The following SAMMSON variants were observed in gnomAD, a reference collection of about 807,000 sequenced individuals.
SAMMSON encodes the protein long intergenic non-protein coding RNA 1212.
At chr3:70,079,292 A>T (rs1249787847) in intron 4 of SAMMSON, among the ~76,000 whole-genome samples, 1 of 152,114 alleles carries the variant, frequency 6.6e-6, no homozygotes, top group Admixed American at 6.5e-5. Context: ...AGGTCCATTG[A>T]TCATCTTGAT....
At chr3:70,019,907 C>G (rs896567425) in intron 3 of SAMMSON, among the ~76,000 whole-genome samples, 19 of 152,156 alleles carry the variant, frequency 1.2e-4, no homozygotes, top group Admixed American at 9.2e-4. Flanking sequence ...TTATTGGCAA[C>G]TTGGGTAACA....
At chr3:70,023,786 T>C (rs1425874901) in intron 3 of SAMMSON, among the ~76,000 whole-genome samples, 1 of 152,230 alleles carries the variant, frequency 6.6e-6, no homozygotes, top group East Asian at 1.9e-4. Context: ...GTCATGTGTA[T>C]GTATTCCAAT....
chr3:70,238,280 G>C (rs1701632502), intron 4 of SAMMSON, among the ~76,000 whole-genome samples: 1 of 151,876 alleles, frequency 6.6e-6, no homozygotes, highest in African/African-American at 2.4e-5. Flanking sequence ...TTTGGGCTTT[G>C]GGTAGACAGA....
intron 4 of SAMMSON, among the ~76,000 whole-genome samples, chr3:70,162,505 T>G (rs1207960250): frequency 6.6e-6 from 1 of 151,960 alleles, no homozygotes; most frequent in African/African-American, 2.4e-5. Flanking sequence ...GAACATACTT[T>G]ATATGATTTC....
intron 4 of SAMMSON, among the ~76,000 whole-genome samples, chr3:70,138,018 T>A (rs2067513126): frequency 6.6e-6 from 1 of 152,210 alleles, no homozygotes; most frequent in African/African-American, 2.4e-5. Flanking sequence ...TATAAATATT[T>A]ATTTCTAAGA....
chr3:70,288,198 T>C lies in SAMMSON; in HGVS notation n.675-2981T>C, dbSNP rs981178819. Among the ~76,000 whole-genome samples, 12 of 140,530 alleles carry C rather than the reference T, an allele frequency of 8.5e-5. 2 individuals carry two copies. Among genetic ancestry groups the C allele is most frequent in the Admixed American group, 2.2e-4 (3 of 13,836 alleles). 92.2% of individuals were successfully genotyped at this position (140,530 alleles called of 152,430 possible). A position where few individuals can be genotyped will look rare whatever the true frequency, so the allele number is the denominator to read the frequency against. ...CCTGCTTTCTCTTGTGGGCATTTAG[T>C]GCTATAAATTTCCCTCTACACACTG... On this transcript the variant is annotated intron_variant and non_coding_transcript_variant, in intron 6 of 9. Coordinates refer to ENST00000642114, the Ensembl canonical transcript of SAMMSON.
chr3:70,391,959 A>T (rs924659583), downstream of SAMMSON, among the ~76,000 whole-genome samples: 2 of 152,138 alleles, frequency 1.3e-5, no homozygotes, highest in African/African-American at 4.8e-5. Context: ...AAATACTCAC[A>T]TGTTATGTCA....
chr3:70,150,910 G>A (rs1038287852), intron 4 of SAMMSON, among the ~76,000 whole-genome samples: 4 of 151,992 alleles, frequency 2.6e-5, no homozygotes, highest in East Asian at 1.9e-4. Flanking sequence ...GTGAATAAAT[G>A]TTCAATTTTT....
At chr3:70,110,049 G>C (rs1049470564) in intron 4 of SAMMSON, among the ~76,000 whole-genome samples, 1 of 152,212 alleles carries the variant, frequency 6.6e-6, no homozygotes, top group Non-Finnish European at 1.5e-5. Flanking sequence ...ATACATTAGT[G>C]ATCGTGATAA....
At chr3:70,119,853 A>G (rs1178328311) in intron 4 of SAMMSON, among the ~76,000 whole-genome samples, 1 of 152,194 alleles carries the variant, frequency 6.6e-6, no homozygotes, top group Non-Finnish European at 1.5e-5. Flanking sequence ...ACTAATACAA[A>G]CAACCTTGTA....
intron 7 of SAMMSON, chr3:70,312,451 G>T (rs1309325889): frequency 6.6e-6 from 1 of 152,252 alleles, no homozygotes; most frequent in Non-Finnish European, 1.5e-5. Context: ...CTCCCTGAAG[G>T]TGTTGACGAG....
chr3:70,289,543 G>T (rs1296924858), intron 6 of SAMMSON, among the ~76,000 whole-genome samples: 4 of 147,958 alleles, frequency 2.7e-5, no homozygotes, highest in African/African-American at 2.5e-5. Context: ...GTGTCTTGGA[G>T]TTGCTCTTCT....
At chr3:70,424,996 CG>C (rs1387019138) in intron 2 of SAMMSON, 1 of 148,112 alleles carries the variant, frequency 6.8e-6, no homozygotes, top group Non-Finnish European at 1.5e-5. Flanking sequence ...AAGGGAAAAG[CG>C]GAAGAGAAAG....
chr3:70,198,185 A>G (rs1315606364), intron 4 of SAMMSON, among the ~76,000 whole-genome samples: 1 of 152,174 alleles, frequency 6.6e-6, no homozygotes, highest in Non-Finnish European at 1.5e-5. Context: ...TTGATGATTG[A>G]AAGTAACATT....
intron 9 of SAMMSON, among the ~76,000 whole-genome samples, chr3:70,380,099 G>A (rs1559576788): frequency 6.6e-6 from 1 of 151,916 alleles, no homozygotes; most frequent in Non-Finnish European, 1.5e-5. Flanking sequence ...AAGTGCTGGT[G>A]GCAAAACAAT....
In SAMMSON at chr3:70,434,577, T is replaced by C. The variant is rs551073067; in HGVS notation, n.234-27983T>C. Among the ~76,000 whole-genome samples the C allele has an allele frequency of 4.6e-5, 7 of 152,222 alleles. No homozygotes were observed. The South Asian group carries it at 1.5e-3, about 32-fold the overall frequency. On this transcript the variant is annotated intron_variant and non_coding_transcript_variant, in intron 2 of 3. Coordinates refer to the SAMMSON transcript ENST00000641053. ...TCATCTGTGAATAAAGACATTTTTT[T>C]TTCCTTCCCAAACTATGTATGTTTT...
chr3:70,173,564 T>G lies in SAMMSON; in HGVS notation n.508-75543T>G, dbSNP rs1236662379. 2.0e-5 allele frequency among the ~76,000 whole-genome samples: 3 copies of G among 151,986 alleles called. No individual in the cohort carries two copies. In the East Asian group the frequency reaches 5.8e-4, roughly 29 times the overall value. The stretch of plus-strand genomic sequence containing the variant: ...ACCTCATCTGCCCTCTCACGACTTT[T>G]GCATGTGCTTCTCATAAGTAGGAGA... On this transcript the variant is annotated intron_variant and non_coding_transcript_variant, in intron 4 of 9. Transcript: ENST00000642114.
intron 4 of SAMMSON, among the ~76,000 whole-genome samples, chr3:70,097,197 T>C (rs1335783048): frequency 6.6e-6 from 1 of 152,218 alleles, no homozygotes; most frequent in Non-Finnish European, 1.5e-5. Context: ...TGAATGAATT[T>C]GGAGTTTACA....
At chr3:70,394,238 C>T (rs1008651459), downstream of SAMMSON, among the ~76,000 whole-genome samples, 9 of 152,114 alleles carry the variant, frequency 5.9e-5, no homozygotes, top group African/African-American at 9.7e-5. Context: ...GAGAAATGCC[C>T]GACTGAAAGT....
Sources: gnomAD v4.1 joint callset for allele counts (sites outside exome capture counted in the v4.1 genomes callset) on GRCh38, gnomAD v4.1.1 for gene constraint, MANE v1.5 for transcripts, NCBI Gene and HGNC (gene_info 2026-07-23, HGNC 2026-07-21) for gene names.